The following PDLIM5 variants were observed in gnomAD, a reference collection of about 807,000 sequenced individuals.
PDLIM5 encodes the protein PDZ and LIM domain 5.
PDLIM5 carries 34 observed loss-of-function variants against 64.2 expected under a neutral mutation model. That is an observed-to-expected ratio of 0.53 (90% CI 0.40 to 0.71). The LOEUF (loss-of-function observed/expected upper bound fraction) is 0.71. Ranked by LOEUF, PDLIM5 falls within the 30% of genes least tolerant of loss-of-function variation. The pLI, the probability that PDLIM5 is intolerant of heterozygous loss-of-function variation, is 0.00. For synonymous variants in PDLIM5, 253 were observed against 269.1 expected (o/e 0.94, Z 0.59); for missense variants, 683 against 733.6 (o/e 0.93, Z 0.80).
chr4:94,543,407 A>G (rs763791312), intron 3 of PDLIM5, among the ~76,000 whole-genome samples: 4 of 152,170 alleles, frequency 2.6e-5, no homozygotes, highest in South Asian at 2.1e-4. Context: ...GCTAATTAAC[A>G]TATGTATTAT....
At chr4:94,652,999 T>G (rs1238765260) in intron 9 of PDLIM5, among the ~76,000 whole-genome samples, 2 of 152,150 alleles carry the variant, frequency 1.3e-5, no homozygotes. Context: ...TAGCAAGGTT[T>G]ATGTTATTGT....
In PDLIM5 at chr4:94,618,071, C is replaced by A. The variant is rs1560743935; in HGVS notation, c.988C>A (p.Leu330Met). 1 of 1,611,888 alleles carries A rather than the reference C, an allele frequency of 6.2e-7. No individual in the cohort carries two copies. Among genetic ancestry groups the A allele is most frequent in the East Asian group, 2.2e-5 (1 of 44,722 alleles). ...TTCCACACGGAGCATGCCCGAGAGC[C>A]TGGACAGCCCAACCTCTGGCAGACC... ...VASTRSMPES[L>M]DSPTSGRPGV... Residue 330 changes from leucine (L) to methionine (M), a missense_variant, in exon 8 of 13, where the codon CTG becomes ATG. Coordinates refer to ENST00000317968, the MANE Select transcript of PDLIM5 (RefSeq NM_006457.5).
At chr4:94,494,432 G>GTTTTTTTTTTTTTTTT (rs61675663) in intron 2 of PDLIM5, among the ~76,000 whole-genome samples, 44 of 70,764 alleles carry the variant, frequency 6.2e-4, no homozygotes, top group Non-Finnish European at 8.8e-4. Flanking sequence ...TTTTTTTCTT[G>GTTTTTTTTTTTTTTTT]TTTTTTTTTT....
At chr4:94,496,106 T>G (rs1477781253) in intron 2 of PDLIM5, among the ~76,000 whole-genome samples, 2 of 151,824 alleles carry the variant, frequency 1.3e-5, no homozygotes, top group Non-Finnish European at 2.9e-5. Context: ...TATTTGTCCA[T>G]CTACCCTAGG....
intron 2 of PDLIM5, among the ~76,000 whole-genome samples, chr4:94,478,621 CTA>C (rs1725545265): frequency 6.6e-6 from 1 of 151,874 alleles, no homozygotes; most frequent in African/African-American, 2.4e-5. Flanking sequence ...ATTTTTATGT[CTA>C]TTTATTTTAC....
chr4:94,484,929 G>T (rs552644328), intron 2 of PDLIM5, among the ~76,000 whole-genome samples: 1 of 152,092 alleles, frequency 6.6e-6, no homozygotes, highest in Non-Finnish European at 1.5e-5. Flanking sequence ...CATGGGGAGC[G>T]TCTATGTTGG....
Position 94,654,499 on chromosome 4 carries a change from A to G in PDLIM5, c.1323A>G (p.Pro441=), listed in dbSNP as rs1459376396. The stretch of plus-strand genomic sequence containing the variant: ...TGGCACTGGGGAAATCTTGGCACCC[A>G]GAAGAATTCAACTGCGCTCACTGCA... ...FLVALGKSWH[P]EEFNCAHCKN... is the part of the protein sequence containing the mutation. The change falls in exon 10 of 13, where the codon CCA becomes CCG. Residue 441 remains proline, a synonymous_variant. Transcript: ENST00000317968. 2 of 1,612,966 alleles carry G rather than the reference A, an allele frequency of 1.2e-6. No individual in the cohort carries two copies. The highest frequency in any genetic ancestry group is 1.1e-5 in the South Asian group (1 of 91,024).
At chr4:94,493,335 A>ATG (rs1727039412) in intron 2 of PDLIM5, among the ~76,000 whole-genome samples, 1 of 151,032 alleles carries the variant, frequency 6.6e-6, no homozygotes. Flanking sequence ...TTTTTGAGGC[A>ATG]GAGTCTCACT....
At chr4:94,492,914 G>A (rs1461988894) in intron 2 of PDLIM5, among the ~76,000 whole-genome samples, 1 of 152,126 alleles carries the variant, frequency 6.6e-6, no homozygotes, top group Admixed American at 6.6e-5. Context: ...GGGTCATATG[G>A]TAATTCTATG....
chr4:94,614,534 C>T (rs1738621467), intron 7 of PDLIM5, among the ~76,000 whole-genome samples: 1 of 152,038 alleles, frequency 6.6e-6, no homozygotes, highest in African/African-American at 2.4e-5. Flanking sequence ...TCTAGATAAA[C>T]CCTAATATTC....
intron 3 of PDLIM5, among the ~76,000 whole-genome samples, chr4:94,566,610 C>T (rs1232121330): frequency 6.6e-6 from 1 of 152,146 alleles, no homozygotes; most frequent in Non-Finnish European, 1.5e-5. Context: ...CTCATGTCAA[C>T]AAAGAAACTA....
chr4:94,554,846 G>A (rs1733136759), intron 3 of PDLIM5, among the ~76,000 whole-genome samples: 1 of 152,036 alleles, frequency 6.6e-6, no homozygotes, highest in African/African-American at 2.4e-5. Context: ...ATTTACAAAG[G>A]TTGACATGAA....
At chr4:94,522,026 T>C (rs543470607) in intron 2 of PDLIM5, among the ~76,000 whole-genome samples, 1 of 152,294 alleles carries the variant, frequency 6.6e-6, no homozygotes, top group East Asian at 1.9e-4. Flanking sequence ...GGATTAAACA[T>C]GTAACTTTGT....
chr4:94,513,591 T>C (rs1371492987), intron 2 of PDLIM5, among the ~76,000 whole-genome samples: 1 of 152,242 alleles, frequency 6.6e-6, no homozygotes, highest in African/African-American at 2.4e-5. Context: ...TGAATTTGTT[T>C]ATTAGTTCTA....
chr4:94,654,884 C>A (rs1355647572), intron 10 of PDLIM5, among the ~76,000 whole-genome samples: 4 of 152,102 alleles, frequency 2.6e-5, no homozygotes, highest in Admixed American at 1.3e-4. Context: ...AAAGTCTAGC[C>A]ACTGTGGGGA....
chr4:94,516,807 C>T (rs535372793), intron 2 of PDLIM5, among the ~76,000 whole-genome samples: 29 of 152,294 alleles, frequency 1.9e-4, no homozygotes, highest in African/African-American at 6.5e-4. Flanking sequence ...GCTAGTATTA[C>T]AGGCATGAAC....
intron 2 of PDLIM5, among the ~76,000 whole-genome samples, chr4:94,516,116 A>G (rs1729333678): frequency 1.3e-5 from 2 of 152,242 alleles, no homozygotes; most frequent in South Asian, 4.1e-4. Context: ...GTTTTACTAA[A>G]TAAGGGCTCA....
intron 7 of PDLIM5, among the ~76,000 whole-genome samples, chr4:94,599,249 T>C (rs764238339): frequency 2.0e-5 from 3 of 152,124 alleles, no homozygotes; most frequent in Non-Finnish European, 2.9e-5. Flanking sequence ...ATAAGCAATG[T>C]AGTGGCAGTG....
At chr4:94,566,382 T>C (rs1734320746) in intron 3 of PDLIM5, among the ~76,000 whole-genome samples, 1 of 152,218 alleles carries the variant, frequency 6.6e-6, no homozygotes, top group African/African-American at 2.4e-5. Context: ...TTTTTTGTTG[T>C]TACTGTTTTC....
Sources: gnomAD v4.1 joint callset for allele counts (sites outside exome capture counted in the v4.1 genomes callset) on GRCh38, gnomAD v4.1.1 for gene constraint, MANE v1.5 for transcripts, NCBI Gene and HGNC (gene_info 2026-07-23, HGNC 2026-07-21) for gene names.